Variants in SMAP1 observed in about 807,000 individuals in gnomAD.
The protein encoded by SMAP1 is stromal membrane-associated protein 1.
A neutral mutation model predicts 58.5 loss-of-function variants in SMAP1; 24 were observed. The observed-to-expected ratio is 0.41, with a 90% CI of 0.30 to 0.58. SMAP1 has a LOEUF of 0.58. SMAP1 is among the 20% of genes least tolerant of loss of function. The probability of loss-of-function intolerance (pLI) is 0.29; values close to 1 mark genes in which losing one functional copy is unlikely to be tolerated. For synonymous variants in SMAP1, 216 were observed against 196.6 expected, an observed-to-expected ratio of 1.10 and a Z score of -0.82; for missense variants, 563 against 566.3, an observed-to-expected ratio of 0.99 and a Z score of 0.06.
intron 1 of SMAP1, among the ~76,000 whole-genome samples, chr6:70,725,360 C>T (rs1768729941): frequency 6.6e-6 from 1 of 151,940 alleles, no homozygotes; most frequent in African/African-American, 2.4e-5. Context: ...TCGTGATCTA[C>T]CCGCCTCGGC....
chr6:70,691,632 A>G (rs1317994577), intron 1 of SMAP1, among the ~76,000 whole-genome samples: 1 of 152,128 alleles, frequency 6.6e-6, no homozygotes, highest in African/African-American at 2.4e-5. Flanking sequence ...AGTTTCTGGT[A>G]ATCATCATTC....
At chr6:70,740,922 AG>A (rs1173860209) in intron 2 of SMAP1, among the ~76,000 whole-genome samples, 1 of 152,222 alleles carries the variant, frequency 6.6e-6, no homozygotes, top group African/African-American at 2.4e-5. Context: ...GCTAAGTGAA[AG>A]GGGTTTCCCC....
intron 7 of SMAP1, among the ~76,000 whole-genome samples, chr6:70,846,382 C>G (rs1244142951): frequency 6.6e-6 from 1 of 152,124 alleles, no homozygotes; most frequent in Non-Finnish European, 1.5e-5. Flanking sequence ...GGTGACGAAG[C>G]AGGTGGGACT....
At chr6:70,670,672 A>G (rs2128546740) in intron 1 of SMAP1, among the ~76,000 whole-genome samples, 1 of 152,360 alleles carries the variant, frequency 6.6e-6, no homozygotes, top group African/African-American at 2.4e-5. Context: ...AATTGCATCA[A>G]ACTTTTCATG....
chr6:70,774,834 G>A (rs1307642192), intron 4 of SMAP1, among the ~76,000 whole-genome samples: 1 of 151,744 alleles, frequency 6.6e-6, no homozygotes, highest in Admixed American at 6.6e-5. Flanking sequence ...CCAACATGGT[G>A]AAACCCCGTC....
In SMAP1 at chr6:70,759,426, T is replaced by C. The variant is rs554123030; in HGVS notation, c.338+4361T>C. ...CTTGAATATAACAGGGTAAATTACT[T>C]GACGTTTTTGAAAATTTTGGTTTCA... is the stretch of plus-strand genomic sequence containing the variant. On this transcript the variant is annotated intron_variant, in intron 3 of 10. Transcript: ENST00000370455. Among the ~76,000 whole-genome samples the C allele has an allele frequency of 5.3e-5, 8 of 152,178 alleles. No individual in the cohort carries two copies. In the East Asian group the frequency reaches 1.5e-3, roughly 29 times the overall value.
At chr6:70,681,839 T>C (rs1212085515) in intron 1 of SMAP1, among the ~76,000 whole-genome samples, 1 of 152,172 alleles carries the variant, frequency 6.6e-6, no homozygotes, top group Non-Finnish European at 1.5e-5. Context: ...TTTTTTGATG[T>C]CTCTAGGTGC....
chr6:70,701,848 G>T (rs1001364210), intron 1 of SMAP1, among the ~76,000 whole-genome samples: 2 of 152,174 alleles, frequency 1.3e-5, no homozygotes, highest in African/African-American at 4.8e-5. Context: ...GTGATTTCTT[G>T]TGTGGATAAT....
intron 10 of SMAP1, 198 bp downstream of exon 10, chr6:70,858,427 G>C (rs13174): frequency 0.72 from 344,563 of 481,222 alleles, 126,097 homozygotes; most frequent in African/African-American, 0.92. Context: ...TGTTATTATC[G>C]CTATTTTAGA....
chr6:70,683,142 T>A (rs1441178049), intron 1 of SMAP1, among the ~76,000 whole-genome samples: 1 of 152,022 alleles, frequency 6.6e-6, no homozygotes, highest in Non-Finnish European at 1.5e-5. Context: ...ATTTTGCATT[T>A]TCTTGATACT....
intron 1 of SMAP1, among the ~76,000 whole-genome samples, chr6:70,690,174 A>AC (rs1167440137): frequency 6.6e-6 from 1 of 152,152 alleles, no homozygotes; most frequent in Non-Finnish European, 1.5e-5. Flanking sequence ...TAAAAGTCTT[A>AC]CAGATACCTT....
At chr6:70,789,489 T>C (rs1472675134) in intron 4 of SMAP1, among the ~76,000 whole-genome samples, 2 of 152,058 alleles carry the variant, frequency 1.3e-5, no homozygotes, top group Non-Finnish European at 2.9e-5. Flanking sequence ...TTGTTATGAA[T>C]TCACCTGTTC....
chr6:70,706,228 G>T (rs746279969), intron 1 of SMAP1, among the ~76,000 whole-genome samples: 26 of 152,144 alleles, frequency 1.7e-4, no homozygotes, highest in Non-Finnish European at 3.4e-4. Context: ...ATTTATTATT[G>T]GGGTTTATTG....
In SMAP1 at chr6:70,819,874, G is replaced by A. The variant is rs116219353; in HGVS notation, c.577-17067G>A. ...ACTTCAGATCATTTTGGAAAAACCTGTCTTAGCCTGTGGTTTCAAACATTG... is the reference window on the plus strand; with the variant it reads ...ACTTCAGATCATTTTGGAAAAACCTATCTTAGCCTGTGGTTTCAAACATTG... On this transcript the variant is annotated intron_variant, in intron 6 of 10. Transcript: ENST00000370455. Among the ~76,000 whole-genome samples the A allele has an allele frequency of 8.3e-3, 1,261 of 152,276 alleles. 19 individuals carry two copies. Among genetic ancestry groups the A allele is most frequent in the African/African-American group, 0.029 (1,200 of 41,560 alleles).
chr6:70,841,993 C>T (rs1177351196), intron 7 of SMAP1, among the ~76,000 whole-genome samples: 1 of 152,132 alleles, frequency 6.6e-6, no homozygotes, highest in Non-Finnish European at 1.5e-5. Flanking sequence ...AAAAGAATGC[C>T]AGATTTAGCA....
intron 1 of SMAP1, among the ~76,000 whole-genome samples, chr6:70,701,868 T>G (rs1461504543): frequency 6.6e-6 from 1 of 152,224 alleles, no homozygotes; most frequent in Non-Finnish European, 1.5e-5. Flanking sequence ...TTGTTCAATT[T>G]GGTGTTCCTG....
chr6:70,751,253 A>G (rs1766264364), intron 2 of SMAP1, among the ~76,000 whole-genome samples: 2 of 152,172 alleles, frequency 1.3e-5, no homozygotes, highest in Admixed American at 6.6e-5. Context: ...AAAAATAAAT[A>G]AAAATAAAAA....
intron 7 of SMAP1, among the ~76,000 whole-genome samples, chr6:70,841,720 C>A (rs1278148925): frequency 6.6e-6 from 1 of 152,078 alleles, no homozygotes; most frequent in Non-Finnish European, 1.5e-5. Flanking sequence ...GAAAAGTTTG[C>A]AAATTTTAGT....
intron 4 of SMAP1, among the ~76,000 whole-genome samples, chr6:70,778,020 G>A (rs1767615106): frequency 6.6e-6 from 1 of 152,014 alleles, no homozygotes; most frequent in African/African-American, 2.4e-5. Context: ...CCAAAGTGCT[G>A]GGATTACAGG....
Sources: allele counts gnomAD v4.1 joint callset (sites outside exome capture counted in the v4.1 genomes callset), GRCh38; gene constraint gnomAD v4.1.1; transcripts MANE v1.5; gene names NCBI Gene and HGNC (gene_info 2026-07-23, HGNC 2026-07-21).